EYS: variants seen among roughly 807,000 people sequenced by gnomAD.
EYS encodes protein eyes shut homolog.
Under a neutral mutation model 282.1 loss-of-function variants are expected in EYS, and 250 were observed. The observed-to-expected ratio is 0.89, with a 90% CI of 0.80 to 0.98. The LOEUF (loss-of-function observed/expected upper bound fraction) is 0.98, where lower values mean the gene tolerates loss of function less well. Among genes scored for constraint, EYS ranks in the 50% least tolerant of loss-of-function variants. EYS has a pLI of 0.00. For synonymous variants in EYS, 1,355 were observed against 1,282.9 expected (o/e 1.06, Z -1.20); for missense variants, 4,016 against 3,709.0 (o/e 1.08, Z -2.15).
chr6:63,927,615 A>T (rs1562099457), intron 35 of EYS, among the ~76,000 whole-genome samples: 1 of 152,172 alleles, frequency 6.6e-6, no homozygotes, highest in Admixed American at 6.5e-5. Context: ...AATATTCTAT[A>T]TTCCTCCTGT....
chr6:65,316,825 C>A (rs1769307321), intron 11 of EYS, among the ~76,000 whole-genome samples: 8 of 152,250 alleles, frequency 5.3e-5, no homozygotes, highest in Admixed American at 4.6e-4. Context: ...TTTGTTGTGG[C>A]TGCATAGTAT....
chr6:64,625,099 C>T (rs915482129), intron 23 of EYS, among the ~76,000 whole-genome samples: 7 of 151,704 alleles, frequency 4.6e-5, no homozygotes, highest in African/African-American at 1.5e-4. Flanking sequence ...TACTGCTGCT[C>T]AAGGAAATTT....
intron 13 of EYS, among the ~76,000 whole-genome samples, chr6:65,028,734 A>C (rs1264093761): frequency 6.6e-6 from 1 of 152,072 alleles, no homozygotes; most frequent in African/African-American, 2.4e-5. Context: ...TTCCAGTAAA[A>C]AATTTATGTA....
intron 32 of EYS, among the ~76,000 whole-genome samples, chr6:64,074,485 A>C (rs1771697036): frequency 6.6e-6 from 1 of 151,534 alleles, no homozygotes; most frequent in Non-Finnish European, 1.5e-5. Context: ...ACTTTATTGA[A>C]ATATTGAAGA....
At chr6:64,141,750 T>G (rs1453866713) in intron 31 of EYS, among the ~76,000 whole-genome samples, 1 of 152,166 alleles carries the variant, frequency 6.6e-6, no homozygotes, top group African/African-American at 2.4e-5. Context: ...ATGAGCAATA[T>G]TTTTCTTCAC....
chr6:65,494,671 G>T lies in EYS; in HGVS notation c.740C>A (p.Pro247Gln). 6.4e-7 allele frequency: 1 copy of T among 1,563,186 alleles called. No homozygotes were observed. The highest frequency in any genetic ancestry group is 1.2e-5 in the South Asian group (1 of 86,030). The change falls in exon 4 of 43, where the codon CCA (proline) becomes CAA (glutamine). Residue 247 changes from proline (P) to glutamine (Q), a missense_variant. Coordinates refer to ENST00000503581, the MANE Select transcript of EYS (RefSeq NM_001142800.2). ...ATTTTAAACAATCTTACCTGTAAAT[G>T]GTGGGTGACAGACACATTCATATGC... is the stretch of plus-strand genomic sequence containing the variant. Reference protein sequence around the residue: ...EQAYECVCHPPFTGKNCSEII... With the variant: ...EQAYECVCHPQFTGKNCSEII...
intron 40 of EYS, among the ~76,000 whole-genome samples, chr6:63,764,329 A>C (rs1318842555): frequency 3.9e-5 from 6 of 152,054 alleles, no homozygotes; most frequent in Non-Finnish European, 8.8e-5. Flanking sequence ...AACAAAATAC[A>C]GAATTAATCT....
intron 35 of EYS, among the ~76,000 whole-genome samples, chr6:63,941,644 G>C (rs1000339409): frequency 3.9e-5 from 6 of 152,108 alleles, no homozygotes. Flanking sequence ...TGCCACAAAG[G>C]ACACTTATTA....
chr6:65,687,696 C>T (rs1472235863), intron 1 of EYS, among the ~76,000 whole-genome samples: 3 of 152,132 alleles, frequency 2.0e-5, no homozygotes, highest in South Asian at 2.1e-4. Context: ...TCGTCTCAGC[C>T]CAAAACCTCC....
intron 35 of EYS, among the ~76,000 whole-genome samples, chr6:63,890,858 AAG>A (rs1342254833): frequency 6.6e-6 from 1 of 152,116 alleles, no homozygotes; most frequent in African/African-American, 2.4e-5. Flanking sequence ...GACTAAGAAC[AAG>A]AGAGAGAAGA....
chr6:64,996,833 G>T (rs1231343587), intron 14 of EYS, among the ~76,000 whole-genome samples: 2 of 152,140 alleles, frequency 1.3e-5, no homozygotes, highest in Admixed American at 6.6e-5. Context: ...TTAAAGCTTT[G>T]TTTTCTAACT....
At chr6:64,403,884 C>T (rs1773618469) in intron 28 of EYS, among the ~76,000 whole-genome samples, 1 of 152,058 alleles carries the variant, frequency 6.6e-6, no homozygotes, top group Admixed American at 6.6e-5. Context: ...TGCAATTTTC[C>T]TCTGAGAAAC....
chr6:63,773,342 G>T (rs1769983210), intron 40 of EYS, among the ~76,000 whole-genome samples: 1 of 152,128 alleles, frequency 6.6e-6, no homozygotes, highest in South Asian at 2.1e-4. Flanking sequence ...AAGCAACAGT[G>T]AGAGAAAAGC....
At chr6:65,698,865 A>T (rs1873294) in intron 1 of EYS, among the ~76,000 whole-genome samples, 1 of 151,978 alleles carries the variant, frequency 6.6e-6, no homozygotes, top group Non-Finnish European at 1.5e-5. Flanking sequence ...GTTTCACCAT[A>T]AGAAAAACTA....
At chr6:64,634,445 C>T (rs1412444957) in intron 22 of EYS, among the ~76,000 whole-genome samples, 2 of 151,986 alleles carry the variant, frequency 1.3e-5, no homozygotes, top group Non-Finnish European at 2.9e-5. Context: ...GATTCTTATT[C>T]CCTACTAGCC....
intron 19 of EYS, among the ~76,000 whole-genome samples, chr6:64,854,729 A>G (rs1264986064): frequency 2.0e-5 from 3 of 152,148 alleles, no homozygotes; most frequent in Admixed American, 2.0e-4. Context: ...GTACCCTAAC[A>G]GTTAAAATAT....
intron 19 of EYS, among the ~76,000 whole-genome samples, chr6:64,839,427 G>C (rs546187661): frequency 2.6e-5 from 4 of 152,024 alleles, no homozygotes; most frequent in Middle Eastern, 3.4e-3. Flanking sequence ...CTATATAACA[G>C]TGTTCCTTTA....
At chr6:64,747,488 C>G (rs1772597235) in intron 22 of EYS, among the ~76,000 whole-genome samples, 1 of 152,156 alleles carries the variant, frequency 6.6e-6, no homozygotes, top group South Asian at 2.1e-4. Flanking sequence ...TCAAGCAATT[C>G]TCCTACCTCA....
chr6:65,631,361 T>C (rs1766904955), intron 2 of EYS, among the ~76,000 whole-genome samples: 1 of 152,102 alleles, frequency 6.6e-6, no homozygotes, highest in South Asian at 2.1e-4. Context: ...TCCACTATGA[T>C]ATCCTCCAGT....
Sources: allele counts gnomAD v4.1 joint callset (sites outside exome capture counted in the v4.1 genomes callset), GRCh38; gene constraint gnomAD v4.1.1; transcripts MANE v1.5; gene names NCBI Gene and HGNC (gene_info 2026-07-23, HGNC 2026-07-21).